Variants in CFAP61 observed in about 807,000 individuals in gnomAD.
CFAP61 encodes the protein cilia- and flagella-associated protein 61.
A neutral mutation model predicts 135.6 loss-of-function variants in CFAP61; 107 were observed. That is an observed-to-expected ratio of 0.79 (90% CI 0.67 to 0.93). The LOEUF is 0.93. CFAP61 is among the 40% of genes least tolerant of loss of function. The pLI is 0.00. For synonymous variants in CFAP61, 575 were observed against 578.5 expected, an observed-to-expected ratio of 0.99 and a Z score of 0.09; for missense variants, 1,507 against 1,556.2, an observed-to-expected ratio of 0.97 and a Z score of 0.53.
intron 26 of CFAP61, among the ~76,000 whole-genome samples, chr20:20,358,033 CTGAGGAGAGGTGGTCATAGTG>C (rs1569336282): frequency 9.2e-5 from 4 of 43,446 alleles, no homozygotes; most frequent in African/African-American, 2.5e-4. Flanking sequence ...GGTGGTCACA[CTGAGGAGAGGTGGTCATAGTG>C]TGAGGGGAGG....
At chr20:20,322,884 C>T (rs2057586028) in intron 25 of CFAP61, 11 of 985,228 alleles carry the variant, frequency 1.1e-5, no homozygotes, top group Non-Finnish European at 1.3e-5. Context: ...GACACAAAAT[C>T]TGTTCTTCCT....
rs991085117 is a variant in CFAP61 at position 20,090,841 on chromosome 20, C to T, written c.567-3C>T. On this transcript the variant is annotated splice_polypyrimidine_tract_variant and splice_region_variant and intron_variant, in intron 6 of 26. Transcript: ENST00000245957. ...ACTGAACTTCAGCCTTTCTATTAAA[C>T]AGGGTGGAAGACCATGACGATCTCA... is the stretch of plus-strand genomic sequence containing the variant. The T allele has an allele frequency of 6.2e-7, 1 of 1,613,838 alleles. No individual in the cohort carries two copies.
intron 18 of CFAP61, among the ~76,000 whole-genome samples, chr20:20,235,401 G>T (rs1460670003): frequency 6.6e-6 from 1 of 152,026 alleles, no homozygotes; most frequent in African/African-American, 2.4e-5. Context: ...GCCCCACCCA[G>T]ACCTCCTGCA....
At chr20:20,213,190 C>T (rs558286039) in intron 17 of CFAP61, among the ~76,000 whole-genome samples, 6 of 152,230 alleles carry the variant, frequency 3.9e-5, no homozygotes, top group Non-Finnish European at 5.9e-5. Flanking sequence ...CCTCCACACA[C>T]ACTCAGCCCG....
intron 11 of CFAP61, 147 bp from the exon 12 acceptor site, chr20:20,166,250 A>C: frequency 1.6e-6 from 1 of 608,808 alleles, no homozygotes; most frequent in South Asian, 2.2e-5. Context: ...CGACTTATGC[A>C]CCCCATTAGT....
chr20:20,229,360 G>A (rs1359724287), intron 18 of CFAP61, among the ~76,000 whole-genome samples: 2 of 152,184 alleles, frequency 1.3e-5, no homozygotes, highest in African/African-American at 2.4e-5. Flanking sequence ...TTTCATAGAT[G>A]TTTTAAAACC....
intron 26 of CFAP61, among the ~76,000 whole-genome samples, chr20:20,343,981 C>A (rs1329335858): frequency 6.6e-6 from 1 of 152,194 alleles, no homozygotes; most frequent in African/African-American, 2.4e-5. Flanking sequence ...GACCTTTGCC[C>A]AAGACACACT....
intron 2 of CFAP61, among the ~76,000 whole-genome samples, chr20:20,066,036 C>G (rs2045235771): frequency 6.6e-6 from 1 of 152,164 alleles, no homozygotes; most frequent in Non-Finnish European, 1.5e-5. Context: ...AGACACTTCT[C>G]AAAAGAAGAC....
intron 8 of CFAP61, among the ~76,000 whole-genome samples, chr20:20,108,528 A>C (rs1296219154): frequency 6.6e-6 from 1 of 152,198 alleles, no homozygotes; most frequent in African/African-American, 2.4e-5. Context: ...TCAGGTGAAA[A>C]AAAAATCAAT....
At chr20:20,245,801 C>CT (rs1414265412) in intron 18 of CFAP61, among the ~76,000 whole-genome samples, 2 of 152,158 alleles carry the variant, frequency 1.3e-5, no homozygotes, top group African/African-American at 4.8e-5. Context: ...TAGAAGTAGT[C>CT]TAAAATTTAA....
rs144526621 is a variant in CFAP61 at position 20,062,820 on chromosome 20, G to C, written c.143+6024G>C. Reference sequence around the variant, plus strand: ...ATATTATTGAATTCCACCCACAAGGGCTGGAGAGATTTTCCATAATTACAC... The same window carrying C: ...ATATTATTGAATTCCACCCACAAGGCCTGGAGAGATTTTCCATAATTACAC... On this transcript the variant is annotated intron_variant, in intron 2 of 26. Coordinates refer to ENST00000245957, the MANE Select transcript of CFAP61 (RefSeq NM_015585.4). Among the ~76,000 whole-genome samples, 224 of 152,258 alleles carry C rather than the reference G, an allele frequency of 1.5e-3. 1 individual carries two copies. Among genetic ancestry groups the C allele is most frequent in the African/African-American group, 5.1e-3 (213 of 41,544 alleles).
chr20:20,326,357 CAAA>C (rs1359658126), intron 25 of CFAP61, among the ~76,000 whole-genome samples: 2 of 152,120 alleles, frequency 1.3e-5, no homozygotes, highest in African/African-American at 2.4e-5. Context: ...CCGTCTCTAA[CAAA>C]GAAGAATAAC....
At chr20:20,088,434 T>C (rs987790845) in intron 6 of CFAP61, among the ~76,000 whole-genome samples, 3 of 152,150 alleles carry the variant, frequency 2.0e-5, no homozygotes, top group Admixed American at 2.0e-4. Flanking sequence ...AAACACATCT[T>C]TCTTCACAAG....
intron 26 of CFAP61, among the ~76,000 whole-genome samples, chr20:20,342,635 G>A (rs762837901): frequency 1.3e-5 from 2 of 152,154 alleles, no homozygotes; most frequent in South Asian, 2.1e-4. Context: ...TCGTGTTACC[G>A]TCTACATAGG....
intron 26 of CFAP61, among the ~76,000 whole-genome samples, chr20:20,358,094 G>GTGAGGGGAGGTGGTCACAC: frequency 7.6e-6 from 1 of 132,116 alleles, no homozygotes; most frequent in African/African-American, 2.9e-5. Flanking sequence ...TGGTCACACT[G>GTGAGGGGAGGTGGTCACAC]TGAGGGGAGG....
At position 20,214,134 on chromosome 20, in the gene CFAP61, G is replaced by A. The variant is rs147206937; in HGVS notation, c.1933-14115G>A. On this transcript the variant is annotated intron_variant, in intron 17 of 26. Transcript: ENST00000245957. ...AATTAGTGACAGATGGAAGGACAGG[G>A]CAGTGTGGGGCCCTCTCAGGATACT... Among the ~76,000 whole-genome samples the A allele has an allele frequency of 2.5e-4, 38 of 152,284 alleles. No individual in the cohort carries two copies. In the East Asian group the frequency reaches 6.9e-3, roughly 28 times the overall value.
intron 9 of CFAP61, among the ~76,000 whole-genome samples, chr20:20,157,316 G>A (rs549910855): frequency 3.3e-4 from 50 of 152,122 alleles, no homozygotes; most frequent in East Asian, 2.3e-3. Context: ...CAAGTGATCC[G>A]CCCACCTTGG....
intron 1 of CFAP61, among the ~76,000 whole-genome samples, chr20:20,055,182 CTT>C (rs1414585133): frequency 1.3e-5 from 2 of 152,002 alleles, no homozygotes; most frequent in Non-Finnish European, 2.9e-5. Flanking sequence ...CTTCTCATGA[CTT>C]TTGTTTCTCT....
At chr20:20,258,182 A>G (rs997666176) in intron 20 of CFAP61, among the ~76,000 whole-genome samples, 1 of 152,220 alleles carries the variant, frequency 6.6e-6, no homozygotes, top group Non-Finnish European at 1.5e-5. Flanking sequence ...AAGCTTAAAA[A>G]TAAGAAGATG....
Sources: allele counts gnomAD v4.1 joint callset (sites outside exome capture counted in the v4.1 genomes callset), GRCh38; gene constraint gnomAD v4.1.1; transcripts MANE v1.5; gene names NCBI Gene and HGNC (gene_info 2026-07-23, HGNC 2026-07-21).